CNTN3: variants seen among roughly 807,000 people sequenced by gnomAD.
CNTN3 encodes the protein contactin 3.
CNTN3 carries 60 observed loss-of-function variants against 119.1 expected under a neutral mutation model. The observed-to-expected ratio is 0.50, with a 90% CI of 0.41 to 0.62. The LOEUF is 0.62. CNTN3 is among the 20% of genes least tolerant of loss of function. The pLI is 0.00. For missense variants in CNTN3, 1,101 were observed against 1,242.4 expected (o/e 0.89, Z 1.71); for synonymous variants, 450 against 438.7 (o/e 1.03, Z -0.32).
intron 1 of CNTN3, among the ~76,000 whole-genome samples, chr3:74,579,236 A>T (rs1704464758): frequency 6.6e-6 from 1 of 152,044 alleles, no homozygotes; most frequent in African/African-American, 2.4e-5. Context: ...ACCTAACAAC[A>T]ATGCTTCAAA....
intron 1 of CNTN3, among the ~76,000 whole-genome samples, chr3:74,563,802 C>A: frequency 6.6e-6 from 1 of 152,154 alleles, no homozygotes; most frequent in East Asian, 1.9e-4. Context: ...GTTTTCATGA[C>A]AGTCTAATTC....
Position 74,451,513 on chromosome 3 carries a change from G to C in CNTN3, c.359-26573C>G, listed in dbSNP as rs1463314513. ...TCTTTTGCCGTGCAGAAGCTCTTTA[G>C]TTTAATTAGATCCCATTTGTCAATT... On this transcript the variant is annotated intron_variant, in intron 4 of 22. Coordinates refer to ENST00000263665, the MANE Select transcript of CNTN3 (RefSeq NM_020872.3). Among the ~76,000 whole-genome samples the C allele has an allele frequency of 2.0e-5, 3 of 152,068 alleles. No homozygotes were observed. The East Asian group carries it at 5.8e-4, about 29-fold the overall frequency.
At chr3:74,440,821 C>A (rs1168857386) in intron 4 of CNTN3, among the ~76,000 whole-genome samples, 1 of 152,032 alleles carries the variant, frequency 6.6e-6, no homozygotes, top group Non-Finnish European at 1.5e-5. Flanking sequence ...TACAGCATAA[C>A]AACAATTTAT....
intron 4 of CNTN3, among the ~76,000 whole-genome samples, chr3:74,470,923 C>G (rs1374159412): frequency 6.6e-6 from 1 of 152,050 alleles, no homozygotes; most frequent in Non-Finnish European, 1.5e-5. Flanking sequence ...GTTGCCCAAG[C>G]TAGAGTGCAG....
chr3:74,396,097 C>A (rs1253928573), intron 5 of CNTN3, among the ~76,000 whole-genome samples: 2 of 152,102 alleles, frequency 1.3e-5, no homozygotes, highest in African/African-American at 4.8e-5. Flanking sequence ...TGTTGGGCCT[C>A]CCTATTTGCC....
intron 13 of CNTN3, among the ~76,000 whole-genome samples, chr3:74,311,065 G>T (rs969179603): frequency 6.6e-6 from 1 of 152,096 alleles, no homozygotes; most frequent in Non-Finnish European, 1.5e-5. Flanking sequence ...ATCCAAGATA[G>T]GTTATTTATT....
At chr3:74,396,768 G>A (rs1289431201) in intron 5 of CNTN3, among the ~76,000 whole-genome samples, 5 of 140,520 alleles carry the variant, frequency 3.6e-5, no homozygotes, top group Non-Finnish European at 6.2e-5. Flanking sequence ...AAAAAAAAAG[G>A]CTGAGAAAAG....
At chr3:74,363,496 G>A (rs1350188451) in intron 10 of CNTN3, among the ~76,000 whole-genome samples, 1 of 151,996 alleles carries the variant, frequency 6.6e-6, no homozygotes, top group Non-Finnish European at 1.5e-5. Context: ...TTTCCCTCAG[G>A]GCAAAATTGT....
intron 4 of CNTN3, among the ~76,000 whole-genome samples, chr3:74,468,822 C>G (rs1702509816): frequency 6.6e-6 from 1 of 152,080 alleles, no homozygotes. Flanking sequence ...GATGAGTCTC[C>G]TCCAGATGAC....
At chr3:74,324,765 AG>A (rs1260285329) in intron 13 of CNTN3, among the ~76,000 whole-genome samples, 1 of 152,180 alleles carries the variant, frequency 6.6e-6, no homozygotes, top group East Asian at 1.9e-4. Flanking sequence ...CCAAAGAAGA[AG>A]GTAGACTTGT....
chr3:74,543,248 TAAG>T (rs1210904114), intron 1 of CNTN3, among the ~76,000 whole-genome samples: 2 of 152,160 alleles, frequency 1.3e-5, no homozygotes, highest in Non-Finnish European at 2.9e-5. Context: ...TAGGAGTATT[TAAG>T]AAGATGATGC....
chr3:74,446,635 AAAT>A (rs1192200307), intron 4 of CNTN3, among the ~76,000 whole-genome samples: 5 of 152,036 alleles, frequency 3.3e-5, no homozygotes, highest in African/African-American at 1.2e-4. Flanking sequence ...TTATATGTTA[AAAT>A]AATACTGAGT....
chr3:74,520,986 TA>T, intron 2 of CNTN3, 71 bp downstream of exon 2: 1 of 805,320 alleles, frequency 1.2e-6, no homozygotes, highest in Non-Finnish European at 1.9e-6. Flanking sequence ...TTTCAACATC[TA>T]AAAATTATGT....
rs772431150 is a variant in CNTN3 at position 74,517,753 on chromosome 3, C to A, written c.55+3305G>T. Reference sequence around the variant, plus strand: ...TCTTTTGTAAGCTCTCCCACTTCACCCTAGGTTCCAGCCTGCCCCTTTCAT... The same window carrying A: ...TCTTTTGTAAGCTCTCCCACTTCACACTAGGTTCCAGCCTGCCCCTTTCAT... On this transcript the variant is annotated intron_variant, in intron 2 of 22. Transcript: ENST00000263665. 2.0e-5 allele frequency among the ~76,000 whole-genome samples: 3 copies of A among 151,812 alleles called. No homozygotes were observed. The South Asian group carries it at 6.2e-4, about 32-fold the overall frequency.
chr3:74,377,988 T>C (rs58044145), intron 5 of CNTN3, among the ~76,000 whole-genome samples: 5,317 of 152,290 alleles, frequency 0.035, 304 homozygotes, highest in African/African-American at 0.12. Flanking sequence ...AGAAATTCTG[T>C]CAAACAAAAT....
chr3:74,487,846 G>C (rs1006639376), intron 3 of CNTN3, among the ~76,000 whole-genome samples: 1 of 151,776 alleles, frequency 6.6e-6, no homozygotes, highest in Non-Finnish European at 1.5e-5. Context: ...CTCAAGCAAT[G>C]GTGCATAAAA....
rs151003763 is a variant in CNTN3, at chr3:74,486,669, T to A, written c.183-38A>T. 5.0e-5 allele frequency: 74 copies of A among 1,469,616 alleles called. 1 individual carries two copies. In the African/African-American group the frequency reaches 8.8e-4, roughly 18 times the overall value. 91.0% of individuals were successfully genotyped at this position (1,469,616 alleles called of 1,614,324 possible). A position where few individuals can be genotyped will look rare whatever the true frequency, so the allele number is the denominator to read the frequency against. ...TATCAAGGTTCCCCCCCCTTAGTATTTTTAACTTAAAAGAAGGCTCTCCAT... is the reference window on the plus strand; with the variant it reads ...TATCAAGGTTCCCCCCCCTTAGTATATTTAACTTAAAAGAAGGCTCTCCAT... On this transcript the variant is annotated intron_variant, in intron 3 of 22. Transcript: ENST00000263665.
chr3:74,313,612 G>T (rs1231767379), intron 13 of CNTN3, among the ~76,000 whole-genome samples: 1 of 152,118 alleles, frequency 6.6e-6, no homozygotes. Context: ...GCATACGTGG[G>T]AGTCTTCTGT....
chr3:74,507,246 C>G (rs1389472173), intron 2 of CNTN3, among the ~76,000 whole-genome samples: 1 of 151,984 alleles, frequency 6.6e-6, no homozygotes, highest in Non-Finnish European at 1.5e-5. Context: ...TAGCAAGACT[C>G]CATCTCTATA....
Sources: gnomAD v4.1 joint callset for allele counts (sites outside exome capture counted in the v4.1 genomes callset) on GRCh38, gnomAD v4.1.1 for gene constraint, MANE v1.5 for transcripts, NCBI Gene and HGNC (gene_info 2026-07-23, HGNC 2026-07-21) for gene names.